The following KIAA0825 variants were observed in gnomAD, a reference collection of about 807,000 sequenced individuals.
The protein encoded by KIAA0825 is uncharacterized protein KIAA0825.
A neutral mutation model predicts 147.6 loss-of-function variants in KIAA0825; 119 were observed. The ratio of observed to expected loss-of-function variants is 0.81; its 90% CI spans 0.69 to 0.94. The LOEUF (loss-of-function observed/expected upper bound fraction) is 0.94. Among genes scored for constraint, KIAA0825 ranks in the 40% least tolerant of loss-of-function variants. KIAA0825 has a pLI of 0.00. For missense variants in KIAA0825, 1,381 were observed against 1,472.7 expected (o/e 0.94, Z 1.02); for synonymous variants, 470 against 518.1 (o/e 0.91, Z 1.26).
Position 94,539,723 on chromosome 5 carries a change from A to C in KIAA0825, c.-1-2596T>G, listed in dbSNP as rs1456276518. Among the ~76,000 whole-genome samples, 85 of 152,028 alleles carry C rather than the reference A, an allele frequency of 5.6e-4. 1 individual carries two copies. Among genetic ancestry groups the C allele is most frequent in the Non-Finnish European group, 4.1e-4 (28 of 68,006 alleles). On this transcript the variant is annotated intron_variant, in intron 2 of 20. Transcript: ENST00000682413. ...GACACTGGGTTAGAGTTCCCTCTTA[A>C]TAAAAGGCAGGGATGCTTGGCCAAC... is the stretch of plus-strand genomic sequence containing the variant.
intron 2 of KIAA0825, among the ~76,000 whole-genome samples, chr5:94,550,946 C>T (rs1390863703): frequency 2.0e-5 from 3 of 151,532 alleles, no homozygotes; most frequent in Non-Finnish European, 4.4e-5. Context: ...AAAACTCACT[C>T]ATATATAAGA....
intron 20 of KIAA0825, among the ~76,000 whole-genome samples, chr5:94,371,436 C>T (rs2150457923): frequency 6.6e-6 from 1 of 152,298 alleles, no homozygotes; most frequent in Non-Finnish European, 1.5e-5. Flanking sequence ...GCTTAATTGA[C>T]TCACTGTTCT....
chr5:94,227,513 A>G (rs1774303557), intron 20 of KIAA0825, among the ~76,000 whole-genome samples: 2 of 151,902 alleles, frequency 1.3e-5, no homozygotes, highest in South Asian at 4.2e-4. Flanking sequence ...TAACCTGCAC[A>G]TTGTGCACAT....
intron 20 of KIAA0825, among the ~76,000 whole-genome samples, chr5:94,249,834 A>T (rs372846982): frequency 3.7e-4 from 48 of 131,430 alleles, no homozygotes; most frequent in African/African-American, 1.2e-3. Context: ...TTATAGACTT[A>T]TATAAGTTAT....
chr5:94,384,270 A>C, intron 20 of KIAA0825, 98 bp downstream of exon 20: 2 of 824,978 alleles, frequency 2.4e-6, no homozygotes, highest in South Asian at 3.5e-5. Flanking sequence ...CTTTTCCCAA[A>C]AGTATGCTAG....
rs879334841 is a variant in KIAA0825 at position 94,322,911 on chromosome 5, CT to C, written c.3710+61456del. On this transcript the variant is annotated intron_variant, in intron 20 of 20. Coordinates refer to ENST00000682413, the MANE Select transcript of KIAA0825 (RefSeq NM_001145678.3). ...AAGGACAGCAAGGGCATTCTGTGAA[CT>C]TTTTTTTTTTTAAGTTGGTGATGTT... 4.1e-3 allele frequency among the ~76,000 whole-genome samples: 592 copies of C among 144,960 alleles called. 2 individuals carry two copies. Among genetic ancestry groups the C allele is most frequent in the Non-Finnish European group, 5.9e-3 (386 of 65,460 alleles).
chr5:94,335,763 ATTAAG>A (rs1442836473), intron 20 of KIAA0825, among the ~76,000 whole-genome samples: 1 of 152,150 alleles, frequency 6.6e-6, no homozygotes, highest in African/African-American at 2.4e-5. Context: ...TTAGGTTGAG[ATTAAG>A]TTAAAGGAAT....
At chr5:94,493,784 G>A (rs1312485551) in intron 5 of KIAA0825, among the ~76,000 whole-genome samples, 2 of 151,980 alleles carry the variant, frequency 1.3e-5, no homozygotes, top group Non-Finnish European at 2.9e-5. Context: ...CACCGCGCCT[G>A]GCCAATATCT....
chr5:94,171,681 A>G (rs2149950770), intron 20 of KIAA0825, among the ~76,000 whole-genome samples: 1 of 152,248 alleles, frequency 6.6e-6, no homozygotes, highest in Admixed American at 6.5e-5. Flanking sequence ...CATGTATTTT[A>G]CTAATTATGG....
chr5:94,206,941 T>A lies in KIAA0825; in HGVS notation c.3711-52817A>T, dbSNP rs149065944. 2.4e-3 allele frequency among the ~76,000 whole-genome samples: 370 copies of A among 152,274 alleles called. 3 individuals carry two copies. The highest frequency in any genetic ancestry group is 8.6e-3 in the African/African-American group (358 of 41,572). On this transcript the variant is annotated intron_variant, in intron 20 of 20. Transcript: ENST00000682413. ...AATCAATTCTATAGACAATACCACA[T>A]TGCTGTTCTTTTCTGGTTTGGGGAG...
chr5:94,193,078 C>CA (rs1310364072), intron 20 of KIAA0825, among the ~76,000 whole-genome samples: 1 of 152,156 alleles, frequency 6.6e-6, no homozygotes, highest in Non-Finnish European at 1.5e-5. Context: ...GGTTCACATA[C>CA]AGTTATCACA....
intron 20 of KIAA0825, among the ~76,000 whole-genome samples, chr5:94,188,631 A>G (rs940223862): frequency 6.6e-6 from 1 of 152,038 alleles, no homozygotes; most frequent in African/African-American, 2.4e-5. Flanking sequence ...GCTGAGTAAT[A>G]TTTGATAGTA....
chr5:94,532,274 A>G (rs1770947166), intron 3 of KIAA0825, among the ~76,000 whole-genome samples: 1 of 152,150 alleles, frequency 6.6e-6, no homozygotes, highest in African/African-American at 2.4e-5. Context: ...CAGCACCCCA[A>G]GTAGCTAAAC....
intron 20 of KIAA0825, among the ~76,000 whole-genome samples, chr5:94,201,616 GT>G (rs559774245): frequency 9.6e-4 from 137 of 143,266 alleles, no homozygotes; most frequent in Middle Eastern, 7.1e-3. Context: ...TGGTTTTTTG[GT>G]TTTTTTTTTT....
chr5:94,160,599 ATG>A (rs1767475650), intron 20 of KIAA0825, among the ~76,000 whole-genome samples: 1 of 148,214 alleles, frequency 6.7e-6, no homozygotes, highest in Non-Finnish European at 1.5e-5. Context: ...TACTGTATGT[ATG>A]TATATTTAAT....
intron 7 of KIAA0825, 117 bp downstream of exon 7, chr5:94,476,994 A>G: frequency 1.3e-6 from 1 of 758,390 alleles, no homozygotes; most frequent in Non-Finnish European, 2.1e-6. Flanking sequence ...CCAAAATTGA[A>G]AAATTATTTT....
At chr5:94,329,961 C>T (rs1455944978) in intron 20 of KIAA0825, among the ~76,000 whole-genome samples, 1 of 152,030 alleles carries the variant, frequency 6.6e-6, no homozygotes, top group African/African-American at 2.4e-5. Context: ...TGAAGAGACC[C>T]TGTTTAAAGG....
At chr5:94,342,306 A>G (rs537479976) in intron 20 of KIAA0825, among the ~76,000 whole-genome samples, 4 of 152,232 alleles carry the variant, frequency 2.6e-5, no homozygotes, top group Admixed American at 6.5e-5. Context: ...AGTCAAGTGT[A>G]TCTTTTTCTT....
chr5:94,474,331 G>A (rs1761587527), intron 7 of KIAA0825, among the ~76,000 whole-genome samples: 1 of 152,058 alleles, frequency 6.6e-6, no homozygotes, highest in Non-Finnish European at 1.5e-5. Context: ...AAGCATTATG[G>A]GTAGCAGGCT....
Sources: allele counts gnomAD v4.1 joint callset (sites outside exome capture counted in the v4.1 genomes callset), GRCh38; gene constraint gnomAD v4.1.1; transcripts MANE v1.5; gene names NCBI Gene and HGNC (gene_info 2026-07-23, HGNC 2026-07-21).